PXDNL: variants seen among roughly 807,000 people sequenced by gnomAD.
PXDNL encodes the protein peroxidasin like, also known as probable oxidoreductase PXDNL.
A neutral mutation model predicts 150.8 loss-of-function variants in PXDNL; 145 were observed. The observed-to-expected ratio is 0.96, with a 90% confidence interval of 0.84 to 1.10. The LOEUF (loss-of-function observed/expected upper bound fraction) is 1.10. Among genes scored for constraint, PXDNL ranks in the 50% least tolerant of loss-of-function variants. PXDNL has a pLI of 0.00. For synonymous variants in PXDNL, 757 were observed against 725.7 expected, an observed-to-expected ratio of 1.04 and a Z score of -0.69; for missense variants, 2,087 against 1,873.9, an observed-to-expected ratio of 1.11 and a Z score of -2.10.
chr8:51,351,813 A>T (rs1289158731), intron 19 of PXDNL, among the ~76,000 whole-genome samples: 1 of 152,156 alleles, frequency 6.6e-6, no homozygotes, highest in Non-Finnish European at 1.5e-5. Flanking sequence ...GGCCACCCAC[A>T]GTTCCCTTCC....
At chr8:51,495,911 T>A (rs1811036932) in intron 5 of PXDNL, among the ~76,000 whole-genome samples, 1 of 152,118 alleles carries the variant, frequency 6.6e-6, no homozygotes, top group Non-Finnish European at 1.5e-5. Context: ...AAAGAGGGAA[T>A]CCTCTCTAAC....
chr8:51,561,463 GAAGTTCAAGACCAGTCTGGA>G (rs1812719557), intron 3 of PXDNL, among the ~76,000 whole-genome samples: 1 of 151,858 alleles, frequency 6.6e-6, no homozygotes, highest in African/African-American at 2.4e-5. Flanking sequence ...CTTGAGCCCA[GAAGTTCAAGACCAGTCTGGA>G]AAGATGAGAT....
chr8:51,791,593 G>A (rs993784275), intron 1 of PXDNL, among the ~76,000 whole-genome samples: 5 of 152,288 alleles, frequency 3.3e-5, no homozygotes, highest in Admixed American at 6.5e-5. Flanking sequence ...TTCATTGGAC[G>A]GAGAAAAGTA....
intron 4 of PXDNL, among the ~76,000 whole-genome samples, chr8:51,508,458 G>A (rs942095861): frequency 1.3e-5 from 2 of 152,160 alleles, no homozygotes; most frequent in Non-Finnish European, 1.5e-5. Flanking sequence ...ATTGGAATGC[G>A]TCGGTTAGTC....
intron 1 of PXDNL, among the ~76,000 whole-genome samples, chr8:51,753,244 T>C (rs1368692878): frequency 2.0e-5 from 3 of 152,170 alleles, no homozygotes; most frequent in African/African-American, 7.2e-5. Context: ...CTATTGGCTA[T>C]TTAAGACAAA....
chr8:51,347,374 G>C (rs1251868054), intron 19 of PXDNL, among the ~76,000 whole-genome samples: 3 of 152,118 alleles, frequency 2.0e-5, no homozygotes, highest in Non-Finnish European at 2.9e-5. Context: ...TATAATGCTA[G>C]ACAAAATAAG....
At chr8:51,570,298 AG>A (rs1812906931) in intron 3 of PXDNL, among the ~76,000 whole-genome samples, 1 of 151,832 alleles carries the variant, frequency 6.6e-6, no homozygotes. Context: ...AAGCTGGGAG[AG>A]GCCCACCCAT....
chr8:51,770,800 G>A (rs963469114), intron 1 of PXDNL, among the ~76,000 whole-genome samples: 1 of 152,214 alleles, frequency 6.6e-6, no homozygotes, highest in Admixed American at 6.5e-5. Context: ...TTGGGGCAGT[G>A]AGCCGTGTGG....
At chr8:51,466,256 C>G (rs1173579299) in intron 8 of PXDNL, among the ~76,000 whole-genome samples, 1 of 152,062 alleles carries the variant, frequency 6.6e-6, no homozygotes, top group African/African-American at 2.4e-5. Flanking sequence ...ACCTCTACAT[C>G]CATCTGATCT....
At chr8:51,532,224 GA>G (rs1046795782) in intron 4 of PXDNL, among the ~76,000 whole-genome samples, 4 of 151,536 alleles carry the variant, frequency 2.6e-5, no homozygotes, top group Admixed American at 2.0e-4. Context: ...CCAGAATTAA[GA>G]AAAAAAAGAG....
At chr8:51,443,327 G>A (rs1337691680) in intron 12 of PXDNL, among the ~76,000 whole-genome samples, 3 of 152,030 alleles carry the variant, frequency 2.0e-5, no homozygotes, top group East Asian at 3.9e-4. Flanking sequence ...AGACAGATAC[G>A]AAAAAAGCCA....
At chr8:51,352,351 C>T (rs187571805) in intron 19 of PXDNL, among the ~76,000 whole-genome samples, 41 of 152,218 alleles carry the variant, frequency 2.7e-4, no homozygotes, top group African/African-American at 8.2e-4. Context: ...AAAAGTGCAT[C>T]GGTGGATTAA....
At chr8:51,430,999 T>G (rs550156330) in intron 12 of PXDNL, among the ~76,000 whole-genome samples, 4 of 152,224 alleles carry the variant, frequency 2.6e-5, no homozygotes, top group African/African-American at 9.6e-5. Flanking sequence ...AATATTGACT[T>G]CTCCACAAAG....
intron 2 of PXDNL, among the ~76,000 whole-genome samples, chr8:51,653,316 G>A (rs1316436674): frequency 6.6e-6 from 1 of 152,144 alleles, no homozygotes; most frequent in African/African-American, 2.4e-5. Flanking sequence ...AACTCAGGAG[G>A]CTGAGGCAGG....
chr8:51,506,654 A>C (rs1199201308), intron 4 of PXDNL, among the ~76,000 whole-genome samples: 1 of 151,930 alleles, frequency 6.6e-6, no homozygotes, highest in Non-Finnish European at 1.5e-5. Context: ...CTCTTTGTTC[A>C]ATCTCTACCT....
chr8:51,652,439 T>TCACACA (rs34305040), intron 2 of PXDNL, among the ~76,000 whole-genome samples: 1 of 146,846 alleles, frequency 6.8e-6, no homozygotes, highest in Non-Finnish European at 1.5e-5. Context: ...TCTCTCTCTC[T>TCACACA]CACACACACA....
intron 19 of PXDNL, among the ~76,000 whole-genome samples, chr8:51,357,964 C>G (rs1404204785): frequency 6.6e-6 from 1 of 152,148 alleles, no homozygotes; most frequent in African/African-American, 2.4e-5. Flanking sequence ...CTAAATCATG[C>G]AGCATGAAGA....
At chr8:51,345,645 C>T (rs527338966) in intron 20 of PXDNL, among the ~76,000 whole-genome samples, 188 bp downstream of exon 20, 1 of 152,242 alleles carries the variant, frequency 6.6e-6, no homozygotes, top group South Asian at 2.1e-4. Flanking sequence ...TCTGGTTGGG[C>T]TATTGCAGAG....
At chr8:51,641,244 A>G (rs1195395583) in intron 2 of PXDNL, among the ~76,000 whole-genome samples, 1 of 150,474 alleles carries the variant, frequency 6.6e-6, no homozygotes, top group African/African-American at 2.5e-5. Context: ...CCTAAACCAT[A>G]AAAACCCTAG....
Sources: gnomAD v4.1 joint callset for allele counts (sites outside exome capture counted in the v4.1 genomes callset) on GRCh38, gnomAD v4.1.1 for gene constraint, MANE v1.5 for transcripts, NCBI Gene and HGNC (gene_info 2026-07-23, HGNC 2026-07-21) for gene names.